The following SAP130 variants were observed in gnomAD, a reference collection of about 807,000 sequenced individuals.
SAP130 encodes Sin3A associated protein 130.
In SAP130, 16 loss-of-function variants were observed where a neutral mutation model predicts 103.2. The ratio of observed to expected loss-of-function variants is 0.16; its 90% CI spans 0.10 to 0.24. SAP130 has a LOEUF of 0.24. Among genes scored for constraint, SAP130 ranks in the 10% least tolerant of loss-of-function variants. The pLI is 1.00. For synonymous variants in SAP130, 477 were observed against 497.0 expected (o/e 0.96, Z 0.53); for missense variants, 990 against 1,359.7 (o/e 0.73, Z 4.28).
intron 14 of SAP130, 61 bp from the exon 15 acceptor site, chr2:127,978,150 A>G: frequency 2.4e-6 from 3 of 1,245,406 alleles, no homozygotes; most frequent in Non-Finnish European, 3.5e-6. Context: ...AGGCTAAGAA[A>G]TACAGGATGC....
intron 15 of SAP130, among the ~76,000 whole-genome samples, chr2:127,963,706 T>C (rs1398650008): frequency 6.6e-6 from 1 of 152,148 alleles, no homozygotes; most frequent in South Asian, 2.1e-4. Context: ...GTCTTTCTTG[T>C]GCTGTTCTCG....
At chr2:128,018,013 G>C (rs995599874) in intron 2 of SAP130, 98 bp from the exon 3 acceptor site, 74 of 952,500 alleles carry the variant, frequency 7.8e-5, no homozygotes, top group Admixed American at 3.8e-4. Flanking sequence ...TCTCAGGATT[G>C]ACAAAGTGGC....
intron 10 of SAP130, among the ~76,000 whole-genome samples, chr2:127,998,429 G>A (rs2105073429): frequency 6.6e-6 from 1 of 152,122 alleles, no homozygotes; most frequent in South Asian, 2.1e-4. Flanking sequence ...ACCTGGAGAG[G>A]GCAAGCTCAC....
At chr2:128,012,211 T>C (rs988384099) in intron 6 of SAP130, among the ~76,000 whole-genome samples, 2 of 152,200 alleles carry the variant, frequency 1.3e-5, no homozygotes, top group African/African-American at 4.8e-5. Flanking sequence ...AGCTCACGCC[T>C]GTAATCCTAG....
intron 15 of SAP130, among the ~76,000 whole-genome samples, chr2:127,960,066 A>T (rs1260723618): frequency 6.6e-6 from 1 of 152,160 alleles, no homozygotes; most frequent in Non-Finnish European, 1.5e-5. Flanking sequence ...CTTAGAATCA[A>T]TGAGGCCGAA....
At chr2:127,944,901 C>CAAAAA (rs1188253573) in intron 19 of SAP130, among the ~76,000 whole-genome samples, 69 of 77,258 alleles carry the variant, frequency 8.9e-4, no homozygotes, top group East Asian at 1.2e-3. Context: ...GACCTTGTCT[C>CAAAAA]AAAAAAAAAA....
At chr2:127,956,835 T>C (rs148307980) in intron 15 of SAP130, among the ~76,000 whole-genome samples, 1 of 152,168 alleles carries the variant, frequency 6.6e-6, no homozygotes, top group African/African-American at 2.4e-5. Context: ...TCTGCAAAAC[T>C]GATTGGTTGG....
At chr2:127,999,679 C>T in intron 10 of SAP130, 62 bp downstream of exon 10, 1 of 834,826 alleles carries the variant, frequency 1.2e-6, no homozygotes, top group Non-Finnish European at 1.8e-6. Flanking sequence ...ACCATGAAGG[C>T]CTAGTCTGAG....
Position 127,977,313 on chromosome 2 carries a change from A to C in SAP130, c.2063+672T>G, listed in dbSNP as rs377247340. Among the ~76,000 whole-genome samples, 41 of 147,716 alleles carry C rather than the reference A, an allele frequency of 2.8e-4. No homozygotes were observed. In the South Asian group the frequency reaches 8.7e-3, roughly 31 times the overall value. ...GAGACCAGCCTGGCCGACATGGCGAAATCCTGACTCTACTTAAAATACAAA... is the reference window on the plus strand; with the variant it reads ...GAGACCAGCCTGGCCGACATGGCGACATCCTGACTCTACTTAAAATACAAA... On this transcript the variant is annotated intron_variant, in intron 15 of 20. Transcript: ENST00000643581.
chr2:127,965,895 G>A (rs1455779085), intron 15 of SAP130, among the ~76,000 whole-genome samples: 7 of 150,406 alleles, frequency 4.7e-5, no homozygotes, highest in Non-Finnish European at 1.0e-4. Context: ...CTATTTATTT[G>A]TTGTCTGCTA....
At chr2:128,020,680 G>T (rs1256480075) in intron 2 of SAP130, among the ~76,000 whole-genome samples, 1 of 152,136 alleles carries the variant, frequency 6.6e-6, no homozygotes, top group South Asian at 2.1e-4. Context: ...GAACTACTGG[G>T]TAGAGAATAC....
At chr2:127,992,991 A>AT (rs968131364) in intron 12 of SAP130, among the ~76,000 whole-genome samples, 196 bp downstream of exon 12, 1 of 152,256 alleles carries the variant, frequency 6.6e-6, no homozygotes. Context: ...TACTATGCAA[A>AT]TATCACTAAT....
chr2:128,021,720 A>C (rs1016113292), intron 2 of SAP130, among the ~76,000 whole-genome samples: 2 of 152,192 alleles, frequency 1.3e-5, no homozygotes, highest in Non-Finnish European at 1.5e-5. Flanking sequence ...AGTCATTTCC[A>C]AAGTGATTGT....
intron 15 of SAP130, among the ~76,000 whole-genome samples, chr2:127,959,177 C>G (rs773027840): frequency 6.6e-6 from 1 of 152,086 alleles, no homozygotes; most frequent in East Asian, 1.9e-4. Context: ...AGGAATGGCA[C>G]GGCAGTCAGT....
intron 9 of SAP130, 48 bp downstream of exon 9, chr2:128,000,008 T>C: frequency 1.3e-6 from 2 of 1,567,464 alleles, no homozygotes; most frequent in African/African-American, 1.3e-5. Flanking sequence ...CCCATCACTC[T>C]TGCCTCCTTT....
At chr2:127,956,705 A>T (rs1247345322) in intron 15 of SAP130, among the ~76,000 whole-genome samples, 4 of 123,888 alleles carry the variant, frequency 3.2e-5, no homozygotes, top group African/African-American at 1.5e-4. Flanking sequence ...AGTATAATAA[A>T]AAAAAAAAAA....
At chr2:127,983,943 T>C (rs1322781212) in intron 14 of SAP130, among the ~76,000 whole-genome samples, 1 of 151,858 alleles carries the variant, frequency 6.6e-6, no homozygotes, top group African/African-American at 2.4e-5. Context: ...CAGTTAACTT[T>C]TGAACTGAGA....
intron 17 of SAP130, 24 bp from the exon 18 acceptor site, chr2:127,950,018 A>G (rs1184051645): frequency 6.2e-7 from 1 of 1,613,152 alleles, no homozygotes; most frequent in Non-Finnish European, 8.5e-7. Flanking sequence ...GACATTAAAC[A>G]ACTTAGTAAC....
At chr2:128,027,613 C>G (rs1221559496) in intron 1 of SAP130, among the ~76,000 whole-genome samples, 1 of 150,602 alleles carries the variant, frequency 6.6e-6, no homozygotes, top group Non-Finnish European at 1.5e-5. Context: ...AGCCAAACTC[C>G]CTGGGCCGGC....
Sources: gnomAD v4.1 joint callset for allele counts (sites outside exome capture counted in the v4.1 genomes callset) on GRCh38, gnomAD v4.1.1 for gene constraint, MANE v1.5 for transcripts, NCBI Gene and HGNC (gene_info 2026-07-23, HGNC 2026-07-21) for gene names.